BCAS1: variants seen among roughly 807,000 people sequenced by gnomAD.
BCAS1 encodes the protein brain enriched myelin associated protein 1, also known as breast carcinoma-amplified sequence 1.
A neutral mutation model predicts 65.4 loss-of-function variants in BCAS1; 46 were observed. The ratio of observed to expected loss-of-function variants is 0.70; its 90% CI spans 0.55 to 0.90. BCAS1 has a LOEUF of 0.90. Ranked by LOEUF, BCAS1 falls within the 40% of genes least tolerant of loss-of-function variation. The pLI, the probability that BCAS1 is intolerant of heterozygous loss-of-function variation, is 0.00. For missense variants in BCAS1, 793 were observed against 771.2 expected (o/e 1.03, Z -0.33); for synonymous variants, 298 against 293.5 (o/e 1.02, Z -0.16).
At chr20:54,048,779 C>T (rs1274791779) in intron 3 of BCAS1, among the ~76,000 whole-genome samples, 2 of 152,232 alleles carry the variant, frequency 1.3e-5, no homozygotes, top group African/African-American at 2.4e-5. Flanking sequence ...ACTTGCCCTT[C>T]GGCCTTATTA....
chr20:53,969,675 T>A (rs1454345457), intron 9 of BCAS1, among the ~76,000 whole-genome samples: 1 of 152,174 alleles, frequency 6.6e-6, no homozygotes, highest in Non-Finnish European at 1.5e-5. Flanking sequence ...ACTTTGGCTC[T>A]TTGTTCTTGG....
intron 3 of BCAS1, among the ~76,000 whole-genome samples, chr20:54,049,524 T>C (rs1365954910): frequency 2.0e-5 from 3 of 152,010 alleles, no homozygotes; most frequent in Non-Finnish European, 4.4e-5. Flanking sequence ...TCAGGTGATA[T>C]GTCAGGGAAA....
At chr20:54,042,149 C>A (rs1371357709) in intron 3 of BCAS1, among the ~76,000 whole-genome samples, 1 of 151,900 alleles carries the variant, frequency 6.6e-6, no homozygotes, top group African/African-American at 2.4e-5. Flanking sequence ...CTGGAAATGA[C>A]CTAAACGCTT....
chr20:54,046,233 G>C (rs1157927225), intron 3 of BCAS1, among the ~76,000 whole-genome samples: 1 of 152,156 alleles, frequency 6.6e-6, no homozygotes, highest in East Asian at 1.9e-4. Flanking sequence ...ATGATTCCAT[G>C]CATTAAGAAT....
intron 3 of BCAS1, among the ~76,000 whole-genome samples, chr20:54,038,836 G>A (rs973627904): frequency 6.6e-6 from 1 of 151,242 alleles, no homozygotes; most frequent in African/African-American, 2.4e-5. Flanking sequence ...ATTGCAAAGG[G>A]AAATTGTACA....
chr20:54,043,700 G>A (rs1437407079), intron 3 of BCAS1, among the ~76,000 whole-genome samples: 1 of 152,096 alleles, frequency 6.6e-6, no homozygotes, highest in African/African-American at 2.4e-5. Flanking sequence ...AGATAGCTGG[G>A]CCCCACCCCC....
chr20:54,048,508 A>T (rs1044889680), intron 3 of BCAS1, among the ~76,000 whole-genome samples: 1 of 151,318 alleles, frequency 6.6e-6, no homozygotes, highest in Admixed American at 6.6e-5. Context: ...ATACAAGGAG[A>T]AAAAAAAATG....
At chr20:54,047,586 G>A (rs2092132402) in intron 3 of BCAS1, among the ~76,000 whole-genome samples, 1 of 152,234 alleles carries the variant, frequency 6.6e-6, no homozygotes, top group African/African-American at 2.4e-5. Flanking sequence ...ATCTGGGAGA[G>A]CCAGTGTTCA....
chr20:53,951,257 G>A (rs138762154), intron 12 of BCAS1, among the ~76,000 whole-genome samples: 2,799 of 152,242 alleles, frequency 0.018, 30 homozygotes, highest in Non-Finnish European at 0.023. Context: ...CGGATCACTC[G>A]AGCTCGGGAG....
At chr20:53,978,288 C>T (rs1262845828) in intron 8 of BCAS1, among the ~76,000 whole-genome samples, 1 of 151,974 alleles carries the variant, frequency 6.6e-6, no homozygotes, top group Non-Finnish European at 1.5e-5. Flanking sequence ...GTCCATGTAC[C>T]ACCTCTATTC....
chr20:54,009,936 T>C (rs1600858060), intron 4 of BCAS1, among the ~76,000 whole-genome samples: 2 of 152,198 alleles, frequency 1.3e-5, no homozygotes, highest in African/African-American at 2.4e-5. Context: ...TGAAAGTCAA[T>C]TGATGTTATC....
chr20:53,954,572 T>C (rs1397975399), intron 11 of BCAS1, among the ~76,000 whole-genome samples: 1 of 152,214 alleles, frequency 6.6e-6, no homozygotes, highest in African/African-American at 2.4e-5. Flanking sequence ...GTTTGGAATG[T>C]ATATCGTTTT....
chr20:54,052,901 C>T (rs6097746), intron 3 of BCAS1, among the ~76,000 whole-genome samples: 3,863 of 152,272 alleles, frequency 0.025, 173 homozygotes, highest in African/African-American at 0.089. Flanking sequence ...TTGGATTATC[C>T]GTTCTTCTAA....
At chr20:53,982,171 G>GCC (rs1318603404) in intron 8 of BCAS1, among the ~76,000 whole-genome samples, 1 of 152,130 alleles carries the variant, frequency 6.6e-6, no homozygotes, top group African/African-American at 2.4e-5. Context: ...TGTTGTGTAA[G>GCC]CCTTGCCATA....
At chr20:54,010,688 G>C (rs2091300515) in intron 4 of BCAS1, among the ~76,000 whole-genome samples, 1 of 152,172 alleles carries the variant, frequency 6.6e-6, no homozygotes, top group South Asian at 2.1e-4. Flanking sequence ...CAGGTTTAAT[G>C]CAATTCCTGT....
chr20:54,028,635 T>G lies in BCAS1; in HGVS notation c.480A>C (p.Gln160His). The G allele has an allele frequency of 6.2e-7, 1 of 1,614,198 alleles. No individual in the cohort carries two copies. The highest frequency in any genetic ancestry group is 8.5e-7 in the Non-Finnish European group (1 of 1,180,022). ...CCCTGGCGGCAGAGAGGACCTTGTC[T>G]TGGGCCGGGGCGTGCCCTGGGGTTT... is the stretch of plus-strand genomic sequence containing the variant. ...TDKTPGHAPA[Q>H]DKVLSAARDP... The change falls in exon 4 of 13, where the codon CAA becomes CAC. Residue 160 changes from glutamine to histidine, a missense_variant. By Grantham distance (24) the Gln-to-His change is conservative. Coordinates refer to ENST00000688948, the MANE Select transcript of BCAS1 (RefSeq NM_001366298.2).
At chr20:54,066,637 T>C (rs1301611844) in intron 1 of BCAS1, among the ~76,000 whole-genome samples, 1 of 152,196 alleles carries the variant, frequency 6.6e-6, no homozygotes, top group Non-Finnish European at 1.5e-5. Flanking sequence ...GCTCTCTCTG[T>C]CTCTCTCTCA....
chr20:53,958,951 A>C (rs1049330667), intron 10 of BCAS1, among the ~76,000 whole-genome samples: 1 of 152,206 alleles, frequency 6.6e-6, no homozygotes, highest in African/African-American at 2.4e-5. Context: ...TTTATTGAGC[A>C]TTCACTGTAT....
intron 4 of BCAS1, 64 bp from the exon 5 acceptor site, chr20:53,996,114 T>G: frequency 6.7e-7 from 1 of 1,495,180 alleles, no homozygotes; most frequent in Non-Finnish European, 9.0e-7. Flanking sequence ...GTCATACTTT[T>G]GCTTCACACC....
Sources: gnomAD v4.1 joint callset for allele counts (sites outside exome capture counted in the v4.1 genomes callset) on GRCh38, gnomAD v4.1.1 for gene constraint, MANE v1.5 for transcripts, NCBI Gene and HGNC (gene_info 2026-07-23, HGNC 2026-07-21) for gene names.